The following DLGAP1 variants were observed in gnomAD, a reference collection of about 807,000 sequenced individuals.
The protein encoded by DLGAP1 is DLG associated protein 1.
In DLGAP1, 11 loss-of-function variants were observed where a neutral mutation model predicts 90.8. The ratio of observed to expected loss-of-function variants is 0.12; its 90% confidence interval spans 0.08 to 0.20. The LOEUF is 0.20. DLGAP1 is among the 10% of genes least tolerant of loss of function. DLGAP1 has a pLI of 1.00. For missense variants in DLGAP1, 1,050 were observed against 1,333.8 expected (o/e 0.79, Z 3.31); for synonymous variants, 558 against 540.7 (o/e 1.03, Z -0.44).
chr18:3,743,365 A>AT (rs1396094899), intron 5 of DLGAP1, among the ~76,000 whole-genome samples: 1 of 149,706 alleles, frequency 6.7e-6, no homozygotes, highest in Non-Finnish European at 1.5e-5. Context: ...TTTTTTTTTT[A>AT]TTTTTTTGAG....
intron 3 of DLGAP1, among the ~76,000 whole-genome samples, chr18:3,898,082 C>G (rs528397754): frequency 2.1e-4 from 32 of 152,364 alleles, no homozygotes; most frequent in Middle Eastern, 3.4e-3. Context: ...GCGTGAGCCA[C>G]TGCGCCCGGC....
chr18:4,452,540 CAA>C (rs2083860812), intron 1 of DLGAP1, among the ~76,000 whole-genome samples: 1 of 152,112 alleles, frequency 6.6e-6, no homozygotes, highest in African/African-American at 2.4e-5. Flanking sequence ...AGAGTTAACT[CAA>C]AGTGCATGCA....
Position 3,534,621 on chromosome 18 carries a change from G to T in DLGAP1, c.2058-6C>A, listed in dbSNP as rs1599103048. The T allele has an allele frequency of 4.6e-6, 7 of 1,530,780 alleles. No homozygotes were observed. Among genetic ancestry groups the T allele is most frequent in the Non-Finnish European group, 6.1e-6 (7 of 1,141,324 alleles). 94.8% of individuals were successfully genotyped at this position (1,530,780 alleles called of 1,614,324 possible). On this transcript the variant is annotated splice_region_variant and splice_polypyrimidine_tract_variant and intron_variant, in intron 9 of 12. Coordinates refer to ENST00000315677, the MANE Select transcript of DLGAP1 (RefSeq NM_004746.4). ...ATCGAGTGAACCTGCGGAAGCTTGGGAGAATAGAAAAAAGAAATTTAGTTA... is the reference window on the plus strand; with the variant it reads ...ATCGAGTGAACCTGCGGAAGCTTGGTAGAATAGAAAAAAGAAATTTAGTTA...
intron 1 of DLGAP1, among the ~76,000 whole-genome samples, chr18:4,371,492 G>A (rs1162172880): frequency 6.6e-6 from 1 of 152,198 alleles, no homozygotes; most frequent in Non-Finnish European, 1.5e-5. Flanking sequence ...AACCTGCAAA[G>A]AATCAGATGA....
At chr18:3,925,041 C>A (rs892872134) in intron 3 of DLGAP1, among the ~76,000 whole-genome samples, 2 of 152,120 alleles carry the variant, frequency 1.3e-5, no homozygotes, top group African/African-American at 4.8e-5. Context: ...CAACCTCCGC[C>A]GCCTGAGTTC....
rs553648399 is a variant in DLGAP1 at position 4,084,829 on chromosome 18, T to A, written c.-159+66351A>T. ...ATCAATCTGTCTTTGTCAGTTTGAT[T>A]TTTAGACCCAGCCAAGGGACCCTAG... On this transcript the variant is annotated intron_variant, in intron 2 of 12. Coordinates refer to ENST00000315677, the MANE Select transcript of DLGAP1 (RefSeq NM_004746.4). This position sits in a 1 kb window ranked among gnomAD's most constrained non-coding sequence, Gnocchi z 4.0. Among the ~76,000 whole-genome samples the A allele has an allele frequency of 6.6e-5, 10 of 152,334 alleles. No individual in the cohort carries two copies. In the South Asian group the frequency reaches 2.1e-3, roughly 32 times the overall value.
chr18:4,143,622 A>G (rs529976334), intron 2 of DLGAP1, among the ~76,000 whole-genome samples: 9 of 151,964 alleles, frequency 5.9e-5, no homozygotes, highest in African/African-American at 2.2e-4. Flanking sequence ...TGAGCAAGCT[A>G]GTACCTATGG....
At chr18:3,667,952 G>T (rs1462415621) in intron 7 of DLGAP1, among the ~76,000 whole-genome samples, 1 of 152,120 alleles carries the variant, frequency 6.6e-6, no homozygotes, top group Non-Finnish European at 1.5e-5. Flanking sequence ...AAACTCAATT[G>T]TCATAAATCC....
chr18:4,150,662 G>A (rs933058702), intron 2 of DLGAP1, among the ~76,000 whole-genome samples: 1 of 152,206 alleles, frequency 6.6e-6, no homozygotes, highest in Non-Finnish European at 1.5e-5. Context: ...TCAAACTCCT[G>A]ACCTCAGGTG....
intron 4 of DLGAP1, among the ~76,000 whole-genome samples, chr18:3,826,971 C>T (rs564554497): frequency 1.7e-4 from 26 of 152,088 alleles, no homozygotes; most frequent in African/African-American, 6.3e-4. Flanking sequence ...TAGTTAAGGG[C>T]GACTCCAAGG....
intron 2 of DLGAP1, among the ~76,000 whole-genome samples, chr18:4,039,292 A>T (rs1410056861): frequency 6.6e-6 from 1 of 152,220 alleles, no homozygotes; most frequent in Non-Finnish European, 1.5e-5. Context: ...AGCCTGACAC[A>T]GAACCTTCCC....
At chr18:3,757,543 A>G (rs957070678) in intron 5 of DLGAP1, among the ~76,000 whole-genome samples, 9 of 152,250 alleles carry the variant, frequency 5.9e-5, no homozygotes, top group African/African-American at 2.2e-4. Context: ...AGGATTACAC[A>G]TGATGACCAA....
intron 2 of DLGAP1, among the ~76,000 whole-genome samples, chr18:4,098,379 C>T (rs1161235093): frequency 6.6e-6 from 1 of 152,078 alleles, no homozygotes; most frequent in East Asian, 1.9e-4. Flanking sequence ...TTATAAGTCA[C>T]TGAGTGATAT....
chr18:4,022,412 C>CAT (rs777657443), intron 2 of DLGAP1, among the ~76,000 whole-genome samples: 3 of 150,326 alleles, frequency 2.0e-5, no homozygotes, highest in Non-Finnish European at 3.0e-5. Flanking sequence ...ACCTTTTACA[C>CAT]ACACACACAC....
At position 3,629,555 on chromosome 18, in the gene DLGAP1, C is replaced by T. The variant is rs770752172; in HGVS notation, c.1592-47307G>A. Reference sequence around the variant, plus strand: ...GGCGTGTTGGTGGGCGCCTGTAGTCCCAGCTACTCGGGAGGCTGAGGCAGG... The same window carrying T: ...GGCGTGTTGGTGGGCGCCTGTAGTCTCAGCTACTCGGGAGGCTGAGGCAGG... On this transcript the variant is annotated intron_variant, in intron 7 of 12. Coordinates refer to ENST00000315677, the MANE Select transcript of DLGAP1 (RefSeq NM_004746.4). 3.0e-3 allele frequency among the ~76,000 whole-genome samples: 462 copies of T among 151,758 alleles called. 6 individuals are homozygous for T. The highest frequency in any genetic ancestry group is 2.4e-3 in the Non-Finnish European group (160 of 67,928).
chr18:4,176,075 C>A (rs2077102166), intron 1 of DLGAP1, among the ~76,000 whole-genome samples: 1 of 152,054 alleles, frequency 6.6e-6, no homozygotes, highest in Admixed American at 6.5e-5. Flanking sequence ...AATGTTTTTC[C>A]ACTTGTTGGT....
At chr18:4,195,782 A>G (rs1251289367) in intron 1 of DLGAP1, among the ~76,000 whole-genome samples, 2 of 152,116 alleles carry the variant, frequency 1.3e-5, no homozygotes, top group Admixed American at 6.5e-5. Context: ...CGAAATCCCA[A>G]TGTCAGGTGA....
chr18:3,800,081 G>A (rs1001974264), intron 5 of DLGAP1, among the ~76,000 whole-genome samples: 2 of 152,180 alleles, frequency 1.3e-5, no homozygotes, highest in South Asian at 4.1e-4. Context: ...CATAGTCTCA[G>A]AACCCAGTCT....
chr18:3,687,687 A>G (rs1598352719), intron 7 of DLGAP1, among the ~76,000 whole-genome samples: 1 of 152,230 alleles, frequency 6.6e-6, no homozygotes, highest in African/African-American at 2.4e-5. Context: ...CTTAAAAACA[A>G]TAACTTGCAA....
Sources: gnomAD v4.1 joint callset for allele counts (sites outside exome capture counted in the v4.1 genomes callset) on GRCh38, gnomAD v4.1.1 for gene constraint, Gnocchi (gnomAD v3.1) non-coding constraint, MANE v1.5 for transcripts, NCBI Gene and HGNC (gene_info 2026-07-23, HGNC 2026-07-21) for gene names.